ELOVL6: variants seen among roughly 807,000 people sequenced by gnomAD.
ELOVL6 encodes ELOVL fatty acid elongase 6, also known as very long chain fatty acid elongase 6.
ELOVL6 carries 8 observed loss-of-function variants against 31.7 expected under a neutral mutation model. The observed-to-expected ratio is 0.25, with a 90% CI of 0.15 to 0.45. The LOEUF is 0.45. ELOVL6 is among the 20% of genes least tolerant of loss of function. The pLI is 1.00. For synonymous variants in ELOVL6, 101 were observed against 117.7 expected, an observed-to-expected ratio of 0.86 and a Z score of 0.92; for missense variants, 126 against 326.4, an observed-to-expected ratio of 0.39 and a Z score of 4.73.
At chr4:110,194,359 A>G (rs1759711871) in intron 1 of ELOVL6, among the ~76,000 whole-genome samples, 1 of 152,232 alleles carries the variant, frequency 6.6e-6, no homozygotes, top group Non-Finnish European at 1.5e-5. Flanking sequence ...CATTGACCAG[A>G]TAATATAACC....
intron 2 of ELOVL6, among the ~76,000 whole-genome samples, chr4:110,103,405 A>G (rs769734428): frequency 2.6e-5 from 4 of 152,212 alleles, no homozygotes; most frequent in African/African-American, 9.7e-5. Context: ...ACATATCCAT[A>G]AGTTTATAAT....
chr4:110,144,652 C>T (rs1758058116), intron 1 of ELOVL6, among the ~76,000 whole-genome samples: 1 of 152,076 alleles, frequency 6.6e-6, no homozygotes, highest in Non-Finnish European at 1.5e-5. Context: ...CAGACGGCAT[C>T]ATAAGCCATA....
In ELOVL6 at chr4:110,084,211, CAT is replaced by C. The variant is rs1368017825; in HGVS notation, c.221+21284_221+21285del. ...CATATAACTTATATGATATATATAA[CAT>C]ATAACTTATATGATATATATAACAT... On this transcript the variant is annotated intron_variant, in intron 2 of 3. Transcript: ENST00000302274. 7.6e-4 allele frequency among the ~76,000 whole-genome samples: 43 copies of C among 56,940 alleles called. 3 individuals carry two copies. The highest frequency in any genetic ancestry group is 6.3e-3 in the South Asian group (12 of 1,900). 37.4% of individuals were successfully genotyped at this position (56,940 alleles called of 152,430 possible).
At chr4:110,100,114 AG>A (rs1317202264) in intron 2 of ELOVL6, among the ~76,000 whole-genome samples, 1 of 152,198 alleles carries the variant, frequency 6.6e-6, no homozygotes, top group Non-Finnish European at 1.5e-5. Flanking sequence ...TGTAGGTGGA[AG>A]TTGGTCACTA....
intron 1 of ELOVL6, among the ~76,000 whole-genome samples, chr4:110,164,959 C>T (rs1353795493): frequency 6.6e-6 from 1 of 151,910 alleles, no homozygotes; most frequent in African/African-American, 2.4e-5. Context: ...CCACCTCAAC[C>T]TCTCGAGGAG....
chr4:110,092,779 A>G (rs1032310043), intron 2 of ELOVL6, among the ~76,000 whole-genome samples: 2 of 151,736 alleles, frequency 1.3e-5, no homozygotes, highest in African/African-American at 4.8e-5. Context: ...TAAGGATTCA[A>G]TTTTTAGTTC....
At chr4:110,117,903 A>AAAAAAAAAAATT in intron 1 of ELOVL6, 2 of 6,502 alleles carry the variant, frequency 3.1e-4, no homozygotes, top group African/African-American at 6.5e-4. Flanking sequence ...AAAAAAAAAA[A>AAAAAAAAAAATT]ATATATATAT....
chr4:110,150,706 T>C (rs1373811705), intron 1 of ELOVL6, among the ~76,000 whole-genome samples: 1 of 152,178 alleles, frequency 6.6e-6, no homozygotes, highest in Non-Finnish European at 1.5e-5. Context: ...AAGCTTTAAT[T>C]TTATTACTTA....
intron 1 of ELOVL6, among the ~76,000 whole-genome samples, chr4:110,161,419 T>C (rs771736802): frequency 2.0e-5 from 3 of 152,200 alleles, no homozygotes; most frequent in Non-Finnish European, 4.4e-5. Context: ...GATGGCACTT[T>C]CATGGTCATT....
intron 1 of ELOVL6, among the ~76,000 whole-genome samples, chr4:110,136,022 G>T (rs905075921): frequency 3.3e-5 from 5 of 152,122 alleles, no homozygotes; most frequent in Admixed American, 3.3e-4. Flanking sequence ...TTAAGTCTGG[G>T]CTAATATTGA....
intron 2 of ELOVL6, among the ~76,000 whole-genome samples, chr4:110,072,892 T>C (rs1467672483): frequency 1.3e-5 from 2 of 152,188 alleles, no homozygotes; most frequent in Non-Finnish European, 2.9e-5. Context: ...TCCAGAGTCC[T>C]GTGAAATAAG....
intron 1 of ELOVL6, among the ~76,000 whole-genome samples, chr4:110,171,271 T>C (rs1360416579): frequency 6.6e-6 from 1 of 151,982 alleles, no homozygotes; most frequent in African/African-American, 2.4e-5. Context: ...TAGCTGGGTG[T>C]GGTGGTTGAT....
rs180791806 is a variant in ELOVL6 at position 110,077,713 on chromosome 4, C to G, written c.222-17959G>C. ...TCCCCCAAAGGAACGCAACTCCTCA[C>G]CAGCAATGGAACAAAGCTGGACGGA... On this transcript the variant is annotated intron_variant, in intron 2 of 3. Transcript: ENST00000302274. 4.1e-3 allele frequency among the ~76,000 whole-genome samples: 625 copies of G among 152,290 alleles called. 2 individuals are homozygous for G. The highest frequency in any genetic ancestry group is 0.014 in the African/African-American group (575 of 41,538).
At chr4:110,061,549 CTTTTTTTTTT>C (rs57846282) in intron 2 of ELOVL6, among the ~76,000 whole-genome samples, 6,143 of 72,502 alleles carry the variant, frequency 0.085, 452 homozygotes, top group African/African-American at 0.19. Flanking sequence ...CAAATGATGG[CTTTTTTTTTT>C]TTTTTTTTTT....
At chr4:110,067,750 T>C (rs1456133212) in intron 2 of ELOVL6, among the ~76,000 whole-genome samples, 1 of 152,262 alleles carries the variant, frequency 6.6e-6, no homozygotes, top group Non-Finnish European at 1.5e-5. Flanking sequence ...ATCCAATTTG[T>C]GTACATTTTT....
chr4:110,141,935 A>T (rs1757975968), intron 1 of ELOVL6, among the ~76,000 whole-genome samples: 1 of 148,670 alleles, frequency 6.7e-6, no homozygotes, highest in Admixed American at 6.7e-5. Flanking sequence ...ACTCACCAAG[A>T]CATATTAGTG....
chr4:110,182,663 C>A (rs546336687), intron 1 of ELOVL6, among the ~76,000 whole-genome samples: 1 of 152,128 alleles, frequency 6.6e-6, no homozygotes, highest in South Asian at 2.1e-4. Context: ...AATCCCAGCA[C>A]TGTGGGAGGC....
At chr4:110,088,010 T>G (rs1308872727) in intron 2 of ELOVL6, among the ~76,000 whole-genome samples, 1 of 152,140 alleles carries the variant, frequency 6.6e-6, no homozygotes, top group Non-Finnish European at 1.5e-5. Flanking sequence ...TTTTGAAGAG[T>G]GTTTTAAATT....
chr4:110,138,908 A>G (rs2126260320), intron 1 of ELOVL6, among the ~76,000 whole-genome samples: 1 of 152,344 alleles, frequency 6.6e-6, no homozygotes, highest in African/African-American at 2.4e-5. Flanking sequence ...ACAGTATTCT[A>G]TCTTTTCAAT....
Sources: gnomAD v4.1 joint callset for allele counts (sites outside exome capture counted in the v4.1 genomes callset) on GRCh38, gnomAD v4.1.1 for gene constraint, MANE v1.5 for transcripts, NCBI Gene and HGNC (gene_info 2026-07-23, HGNC 2026-07-21) for gene names.